KCNJ10: variants seen among roughly 807,000 people sequenced by gnomAD.
KCNJ10 encodes potassium inwardly rectifying channel subfamily J member 10, also known as ATP-sensitive inward rectifier potassium channel 10.
Under a neutral mutation model 22.2 loss-of-function variants are expected in KCNJ10, and 9 were observed. The ratio of observed to expected loss-of-function variants is 0.40; its 90% CI spans 0.24 to 0.71. The LOEUF is 0.71. Among genes scored for constraint, KCNJ10 ranks in the 30% least tolerant of loss-of-function variants. KCNJ10 has a pLI of 0.35. For missense variants in KCNJ10, 337 were observed against 482.7 expected, an observed-to-expected ratio of 0.70 and a Z score of 2.83; for synonymous variants, 184 against 187.3, an observed-to-expected ratio of 0.98 and a Z score of 0.15.
chr1:160,040,609 A>T lies in KCNJ10; in HGVS notation c.*784T>A, dbSNP rs1648577959. On this transcript the variant is annotated 3_prime_UTR_variant, in exon 2 of 2. Transcript: ENST00000644903. Reference sequence around the variant, plus strand: ...AGATCTTCTCTGGGCTGCCTGGAAGATAGGTTTAAAGGTTTAGATAACAAC... The same window carrying T: ...AGATCTTCTCTGGGCTGCCTGGAAGTTAGGTTTAAAGGTTTAGATAACAAC... The T allele has an allele frequency of 1.0e-5, 4 of 398,616 alleles. No homozygotes were observed. In the Admixed American group the frequency reaches 1.8e-4, roughly 18 times the overall value. The allele number at this position is 398,616 out of a possible 1,614,324, so 24.7% of individuals were successfully genotyped here. A position where few individuals can be genotyped will look rare whatever the true frequency, so the allele number is the denominator to read the frequency against.
At chr1:160,042,792 C>T (rs540732901) in intron 1 of KCNJ10, among the ~76,000 whole-genome samples, 2 of 152,202 alleles carry the variant, frequency 1.3e-5, no homozygotes, top group South Asian at 4.1e-4. Context: ...CAAAAATTAG[C>T]TGGGCATGGT....
intron 1 of KCNJ10, among the ~76,000 whole-genome samples, chr1:160,052,633 G>A (rs1348004041): frequency 6.6e-6 from 1 of 152,202 alleles, no homozygotes; most frequent in Non-Finnish European, 1.5e-5. Context: ...TCAAGGATGT[G>A]TAAAAGCCAC....
chr1:160,040,899 G>T lies in KCNJ10; in HGVS notation c.*494C>A, dbSNP rs918725037. 2 of 325,166 alleles carry T rather than the reference G, an allele frequency of 6.2e-6. No homozygotes were observed. Among genetic ancestry groups the T allele is most frequent in the Non-Finnish European group, 1.1e-5 (2 of 178,026 alleles). 20.1% of individuals were successfully genotyped at this position (325,166 alleles called of 1,614,324 possible). On this transcript the variant is annotated 3_prime_UTR_variant, in exon 2 of 2. Coordinates refer to ENST00000644903, the MANE Select transcript of KCNJ10 (RefSeq NM_002241.5). ...TCAACAGAGATTGGTAGAAACCCTA[G>T]GATATGTTGATATCAGATTCCTGTA... is the stretch of plus-strand genomic sequence containing the variant.
rs574383398 is a variant in KCNJ10, at chr1:160,042,665, T to G, written c.1-133A>C. ...GTGTTCTTGTCTTACCAAATATTTA[T>G]TGAGCACTTGCTATGTGCCAGGCAC... On this transcript the variant is annotated intron_variant, in intron 1 of 1. Coordinates refer to ENST00000644903, the MANE Select transcript of KCNJ10 (RefSeq NM_002241.5). The G allele has an allele frequency of 6.7e-5, 60 of 896,008 alleles. 1 individual carries two copies. The South Asian group carries it at 7.6e-4, about 11-fold the overall frequency. 55.5% of individuals were successfully genotyped at this position (896,008 alleles called of 1,614,324 possible). A position where few individuals can be genotyped will look rare whatever the true frequency, so the allele number is the denominator to read the frequency against.
chr1:160,049,720 T>TATAA (rs1201390198), intron 1 of KCNJ10, among the ~76,000 whole-genome samples: 74 of 122,860 alleles, frequency 6.0e-4, no homozygotes, highest in African/African-American at 2.3e-3. Context: ...TATATATATA[T>TATAA]GTTATCCTAA....
At chr1:160,046,769 C>T (rs1383649261) in intron 1 of KCNJ10, among the ~76,000 whole-genome samples, 1 of 152,166 alleles carries the variant, frequency 6.6e-6, no homozygotes, top group Non-Finnish European at 1.5e-5. Context: ...CTGGCCAGGC[C>T]CCTGGGGAAG....
chr1:160,061,570 T>C (rs1275293940), intron 1 of KCNJ10, among the ~76,000 whole-genome samples: 1 of 151,880 alleles, frequency 6.6e-6, no homozygotes, highest in Non-Finnish European at 1.5e-5. Context: ...TGTCCATGGT[T>C]AACGTATAAG....
intron 1 of KCNJ10, among the ~76,000 whole-genome samples, chr1:160,043,540 G>A (rs1467108482): frequency 1.3e-5 from 2 of 152,342 alleles, no homozygotes; most frequent in East Asian, 3.9e-4. Flanking sequence ...GTTAGGAAGA[G>A]TACAGATGGG....
intron 1 of KCNJ10, among the ~76,000 whole-genome samples, chr1:160,051,549 A>G (rs890310915): frequency 6.6e-6 from 1 of 152,022 alleles, no homozygotes; most frequent in Non-Finnish European, 1.5e-5. Flanking sequence ...AATTAATACT[A>G]TAGTTTATTT....
At chr1:160,051,640 T>C (rs1648907611) in intron 1 of KCNJ10, among the ~76,000 whole-genome samples, 1 of 152,106 alleles carries the variant, frequency 6.6e-6, no homozygotes, top group African/African-American at 2.4e-5. Flanking sequence ...GCCAGACAGG[T>C]ATGCAAAATT....
chr1:160,046,390 G>C (rs1036981737), intron 1 of KCNJ10, among the ~76,000 whole-genome samples: 1 of 152,188 alleles, frequency 6.6e-6, no homozygotes, highest in African/African-American at 2.4e-5. Flanking sequence ...AGGTCTCCCA[G>C]CTCCTGGTCC....
Position 160,040,757 on chromosome 1 carries a change from C to T in KCNJ10, c.*636G>A. The T allele has an allele frequency of 2.5e-6, 1 of 399,518 alleles. No individual in the cohort carries two copies. The highest frequency in any genetic ancestry group is 4.1e-5 in the Admixed American group (1 of 24,140). The allele number at this position is 399,518 out of a possible 1,614,324, so 24.7% of individuals were successfully genotyped here. On this transcript the variant is annotated 3_prime_UTR_variant, in exon 2 of 2. Coordinates refer to ENST00000644903, the MANE Select transcript of KCNJ10 (RefSeq NM_002241.5). ...CAGAGGCTATGAGGGAACTGGGTATCCTGAGAGTGTTCACTTGAGAAACTA... is the reference window on the plus strand; with the variant it reads ...CAGAGGCTATGAGGGAACTGGGTATTCTGAGAGTGTTCACTTGAGAAACTA...
At chr1:160,060,116 C>T (rs1649150036) in intron 1 of KCNJ10, among the ~76,000 whole-genome samples, 2 of 152,232 alleles carry the variant, frequency 1.3e-5, no homozygotes, top group South Asian at 4.1e-4. Context: ...AGGGAGCTCA[C>T]CATGACTCTG....
At position 160,041,632 on chromosome 1, in the gene KCNJ10, G is replaced by C; in HGVS notation, c.901C>G (p.Leu301Val). 3 of 1,614,198 alleles carry C rather than the reference G, an allele frequency of 1.9e-6. No individual in the cohort carries two copies. Among genetic ancestry groups the C allele is most frequent in the Non-Finnish European group, 2.5e-6 (3 of 1,180,020 alleles). Residue 301 changes from leucine (L) to valine (V), a missense_variant, in exon 2 of 2, where the codon CTG becomes GTG. Coordinates refer to ENST00000644903, the MANE Select transcript of KCNJ10 (RefSeq NM_002241.5). This position sits in a 1 kb window ranked among gnomAD's most constrained non-coding sequence, Gnocchi z 4.4. ...TAGCCCCAAAGGATCTCCTCTGGCA[G>C]GTAGGAAGTGCGCACCTGACAGGTG... ...SATCQVRTSY[L>V]PEEILWGYEF...
At chr1:160,048,998 T>C (rs1033973503) in intron 1 of KCNJ10, among the ~76,000 whole-genome samples, 1 of 152,204 alleles carries the variant, frequency 6.6e-6, no homozygotes, top group African/African-American at 2.4e-5. Context: ...TATCCAGTAC[T>C]TTAGAAAGCA....
chr1:160,053,116 G>A (rs906018799), intron 1 of KCNJ10, among the ~76,000 whole-genome samples: 4 of 152,080 alleles, frequency 2.6e-5, no homozygotes, highest in East Asian at 1.9e-4. Flanking sequence ...GAGGTGCTAC[G>A]TTAGAGGATG....
intron 1 of KCNJ10, among the ~76,000 whole-genome samples, chr1:160,052,102 C>G (rs1173095159): frequency 6.6e-6 from 1 of 152,078 alleles, no homozygotes; most frequent in African/African-American, 2.4e-5. Context: ...TATTCTAAGC[C>G]CAAAAGCCTC....
intron 1 of KCNJ10, among the ~76,000 whole-genome samples, chr1:160,055,318 A>G (rs1025896981): frequency 6.6e-6 from 1 of 152,194 alleles, no homozygotes; most frequent in African/African-American, 2.4e-5. Flanking sequence ...TTAAAGCAAC[A>G]GGAAGCAGGA....
chr1:160,052,365 C>A (rs1353038168), intron 1 of KCNJ10, among the ~76,000 whole-genome samples: 1 of 152,184 alleles, frequency 6.6e-6, no homozygotes, highest in Non-Finnish European at 1.5e-5. Flanking sequence ...TGCTCAAGAA[C>A]CCCAGATCCA....
Sources: allele counts gnomAD v4.1 joint callset (sites outside exome capture counted in the v4.1 genomes callset), GRCh38; gene constraint gnomAD v4.1.1; non-coding constraint Gnocchi (gnomAD v3.1); transcripts MANE v1.5; gene names NCBI Gene and HGNC (gene_info 2026-07-23, HGNC 2026-07-21).